Variants in RALGAPA1 observed in about 807,000 individuals in gnomAD.
RALGAPA1 encodes the protein Ral GTPase activating protein catalytic subunit alpha 1, also known as ral GTPase-activating protein subunit alpha-1.
RALGAPA1 carries 52 observed loss-of-function variants against 269.6 expected under a neutral mutation model. The observed-to-expected ratio is 0.19, with a 90% CI of 0.15 to 0.24. The LOEUF (loss-of-function observed/expected upper bound fraction) is 0.24, where lower values mean the gene tolerates loss of function less well. Among genes scored for constraint, RALGAPA1 ranks in the 10% least tolerant of loss-of-function variants. The probability of loss-of-function intolerance (pLI) is 1.00; values close to 1 mark genes in which losing one functional copy is unlikely to be tolerated. For synonymous variants in RALGAPA1, 817 were observed against 1,008.3 expected (o/e 0.81, Z 3.60); for missense variants, 1,917 against 3,013.9 (o/e 0.64, Z 8.52).
chr14:35,563,434 G>A (rs374930113), intron 39 of RALGAPA1, among the ~76,000 whole-genome samples: 2 of 152,202 alleles, frequency 1.3e-5, no homozygotes, highest in South Asian at 2.1e-4. Flanking sequence ...TGCCCTGGGC[G>A]TCAGTGTGGT....
chr14:35,637,500 C>A (rs1003518129), intron 31 of RALGAPA1, among the ~76,000 whole-genome samples: 1 of 151,550 alleles, frequency 6.6e-6, no homozygotes, highest in Non-Finnish European at 1.5e-5. Flanking sequence ...AGGCTGAAGA[C>A]AAGCTATTTG....
chr14:35,549,854 C>T (rs1410946640), intron 39 of RALGAPA1, among the ~76,000 whole-genome samples: 1 of 152,022 alleles, frequency 6.6e-6, no homozygotes, highest in Non-Finnish European at 1.5e-5. Flanking sequence ...AATCTGTATG[C>T]TGGGAAAAAA....
chr14:35,565,203 T>C (rs1174462779), intron 39 of RALGAPA1, among the ~76,000 whole-genome samples: 6 of 151,794 alleles, frequency 4.0e-5, no homozygotes, highest in African/African-American at 9.7e-5. Flanking sequence ...AATTATAATT[T>C]GTAATAAGGA....
intron 16 of RALGAPA1, among the ~76,000 whole-genome samples, chr14:35,711,120 A>G (rs1313891747): frequency 6.6e-6 from 1 of 152,146 alleles, no homozygotes; most frequent in Non-Finnish European, 1.5e-5. Context: ...ATGTATCTTT[A>G]TATTTTAAAG....
Position 35,627,456 on chromosome 14 carries a change from GAA to G in RALGAPA1, c.6489_6490del (p.Leu2165ProfsTer3). The G allele has an allele frequency of 6.2e-7, 1 of 1,613,632 alleles. No individual in the cohort carries two copies. Among genetic ancestry groups the G allele is most frequent in the Non-Finnish European group, 8.5e-7 (1 of 1,179,916 alleles). ...TTCTCTAAATCTTTTAAACTGGAGA[GAA>G]AGTCCATCTTTTACGGTTATATCTT... On this transcript the variant is annotated frameshift_variant, in exon 34 of 42. Coordinates refer to ENST00000680220, the MANE Select transcript of RALGAPA1 (RefSeq NM_001346249.2). LOFTEE classifies it high-confidence loss of function.
intron 39 of RALGAPA1, among the ~76,000 whole-genome samples, chr14:35,559,719 T>C (rs752533804): frequency 4.6e-5 from 7 of 152,214 alleles, no homozygotes; most frequent in Non-Finnish European, 7.3e-5. Flanking sequence ...GGTAATGCTT[T>C]CTTTTGGTAT....
chr14:35,803,572 GA>G (rs929291415), intron 1 of RALGAPA1, among the ~76,000 whole-genome samples: 2 of 148,018 alleles, frequency 1.4e-5, no homozygotes, highest in African/African-American at 2.5e-5. Flanking sequence ...AAAGACTGGG[GA>G]AAAAAAAATC....
chr14:35,602,327 A>G (rs2059340280), intron 36 of RALGAPA1, among the ~76,000 whole-genome samples: 1 of 152,146 alleles, frequency 6.6e-6, no homozygotes, highest in South Asian at 2.1e-4. Flanking sequence ...TTGGGTATAT[A>G]CTTTGGGGGT....
At chr14:35,539,864 A>C (rs1719462532) in intron 41 of RALGAPA1, among the ~76,000 whole-genome samples, 174 bp from the exon 42 acceptor site, 1 of 152,218 alleles carries the variant, frequency 6.6e-6, no homozygotes, top group African/African-American at 2.4e-5. Context: ...TTTAAAACCC[A>C]GCAATCTGGT....
intron 26 of RALGAPA1, among the ~76,000 whole-genome samples, chr14:35,670,485 C>T (rs2064312784): frequency 6.6e-6 from 1 of 152,186 alleles, no homozygotes; most frequent in Non-Finnish European, 1.5e-5. Context: ...CTTCCTTAGG[C>T]TTCTATCTAA....
intron 31 of RALGAPA1, among the ~76,000 whole-genome samples, chr14:35,638,763 A>G (rs1291926480): frequency 4.6e-5 from 7 of 151,902 alleles, no homozygotes; most frequent in Non-Finnish European, 8.8e-5. Flanking sequence ...TATCTCTACT[A>G]AAAAACCAAA....
In RALGAPA1 at chr14:35,627,623, G is replaced by C; in HGVS notation, c.6324C>G (p.Leu2108=). The C allele has an allele frequency of 1.9e-6, 3 of 1,586,830 alleles. No individual in the cohort carries two copies. The highest frequency in any genetic ancestry group is 2.6e-6 in the Non-Finnish European group (3 of 1,166,534). ...NSNVRIIVRD[L]SGKYSWDSAI... ...CAGAATCCCATGAATATTTTCCAGA[G>C]AGATCACGTACTATGATTCTGACAT... The change falls in exon 34 of 42, where the codon CTC becomes CTG. Residue 2108 remains leucine, a synonymous_variant. Coordinates refer to ENST00000680220, the MANE Select transcript of RALGAPA1 (RefSeq NM_001346249.2).
rs79467221 is a variant in RALGAPA1, at chr14:35,563,368, C to T, written c.7496+7249G>A. On this transcript the variant is annotated intron_variant, in intron 39 of 41. Coordinates refer to ENST00000680220, the MANE Select transcript of RALGAPA1 (RefSeq NM_001346249.2). ...GGCATTACTGGGGTAACAACATGGG[C>T]CTGAAAAAGAAGAGCATTCAGGAAT... Among the ~76,000 whole-genome samples the T allele has an allele frequency of 9.4e-3, 1,430 of 151,890 alleles. 30 individuals carry two copies. Among genetic ancestry groups the T allele is most frequent in the African/African-American group, 0.033 (1,366 of 41,436 alleles).
intron 6 of RALGAPA1, among the ~76,000 whole-genome samples, chr14:35,757,588 G>A (rs1260347448): frequency 6.6e-6 from 1 of 152,154 alleles, no homozygotes; most frequent in Non-Finnish European, 1.5e-5. Flanking sequence ...AATTCCATAA[G>A]ATGACAAACA....
At chr14:35,617,855 C>A (rs999505489) in intron 35 of RALGAPA1, among the ~76,000 whole-genome samples, 1 of 151,384 alleles carries the variant, frequency 6.6e-6, no homozygotes, top group East Asian at 1.9e-4. Flanking sequence ...AAAGACTGAG[C>A]AGATTGTCTG....
intron 1 of RALGAPA1, chr14:35,807,909 C>T (rs2077486894): frequency 6.6e-6 from 1 of 152,178 alleles, no homozygotes; most frequent in African/African-American, 2.4e-5. Flanking sequence ...TAAGTATCAA[C>T]ACAGGCGAAA....
intron 30 of RALGAPA1, among the ~76,000 whole-genome samples, chr14:35,653,628 G>A (rs2062987909): frequency 6.6e-6 from 1 of 152,082 alleles, no homozygotes; most frequent in South Asian, 2.1e-4. Flanking sequence ...TTATTTTATA[G>A]CCAAAGGAAA....
intron 16 of RALGAPA1, chr14:35,715,647 G>A (rs2068748829): frequency 2.4e-6 from 2 of 827,806 alleles, no homozygotes; most frequent in Non-Finnish European, 2.9e-6. Flanking sequence ...CTAACTGAGA[G>A]TGAATTACTC....
intron 40 of RALGAPA1, 62 bp from the exon 41 acceptor site, chr14:35,548,600 C>A (rs1391476081): frequency 1.8e-6 from 2 of 1,128,762 alleles, no homozygotes; most frequent in Non-Finnish European, 1.3e-6. Context: ...AATAGGAAGG[C>A]CACGAGTCAT....
Sources: gnomAD v4.1 joint callset for allele counts (sites outside exome capture counted in the v4.1 genomes callset) on GRCh38, gnomAD v4.1.1 for gene constraint, MANE v1.5 for transcripts, NCBI Gene and HGNC (gene_info 2026-07-23, HGNC 2026-07-21) for gene names.